Variants in GLIS3 observed in about 807,000 individuals in gnomAD.
GLIS3 encodes the protein zinc finger protein GLIS3.
Under a neutral mutation model 78.6 loss-of-function variants are expected in GLIS3, and 53 were observed. The observed-to-expected ratio is 0.67, with a 90% CI of 0.54 to 0.85. The LOEUF (loss-of-function observed/expected upper bound fraction) is 0.85. Ranked by LOEUF, GLIS3 falls within the 40% of genes least tolerant of loss-of-function variation. GLIS3 has a pLI of 0.00. For missense variants in GLIS3, 1,703 were observed against 1,231.1 expected (o/e 1.38, Z -5.74); for synonymous variants, 684 against 509.9 (o/e 1.34, Z -4.60).
chr9:4,124,324 G>C (rs1832405380), intron 3 of GLIS3, among the ~76,000 whole-genome samples: 1 of 152,198 alleles, frequency 6.6e-6, no homozygotes, highest in Non-Finnish European at 1.5e-5. Flanking sequence ...AAAACAATGA[G>C]ATAATGACCC....
intron 8 of GLIS3, among the ~76,000 whole-genome samples, chr9:3,861,344 C>T (rs1424513983): frequency 1.3e-5 from 2 of 152,010 alleles, no homozygotes; most frequent in African/African-American, 2.4e-5. Context: ...TTGTAGAAGC[C>T]GTGTGGTGAT....
chr9:4,396,761 C>T, the GLIS3 span, among the ~76,000 whole-genome samples: 2 of 152,128 alleles, frequency 1.3e-5, no homozygotes, highest in Non-Finnish European at 2.9e-5. Flanking sequence ...GGACATACCT[C>T]GTTAGTCCTT....
intron 2 of GLIS3, among the ~76,000 whole-genome samples, chr9:4,319,983 T>TG (rs1817499042): frequency 2.1e-5 from 3 of 145,080 alleles, no homozygotes; most frequent in Non-Finnish European, 3.0e-5. Context: ...GTAGAGGGGG[T>TG]TGTGTGTGTG....
intron 2 of GLIS3, among the ~76,000 whole-genome samples, chr9:4,240,195 TGGGGGG>T (rs33916740): frequency 7.2e-6 from 1 of 138,942 alleles, no homozygotes; most frequent in East Asian, 2.2e-4. Context: ...GTGGGGGAGG[TGGGGGG>T]GGGGGATGGT....
the GLIS3 span, among the ~76,000 whole-genome samples, chr9:4,379,329 A>G: frequency 6.6e-6 from 1 of 152,216 alleles, no homozygotes; most frequent in Non-Finnish European, 1.5e-5. Flanking sequence ...GGGTTTGGCA[A>G]AACACCATGC....
chr9:3,919,798 A>G (rs558497873), intron 6 of GLIS3, among the ~76,000 whole-genome samples: 2 of 152,166 alleles, frequency 1.3e-5, no homozygotes, highest in African/African-American at 4.8e-5. Flanking sequence ...AGGCTCTACC[A>G]TCTCTAATAG....
At chr9:3,892,960 C>G (rs1822561450) in intron 7 of GLIS3, among the ~76,000 whole-genome samples, 1 of 152,084 alleles carries the variant, frequency 6.6e-6, no homozygotes, top group South Asian at 2.1e-4. Context: ...ACACATCTAA[C>G]TTTTATTTTA....
At chr9:3,839,846 GTATT>G (rs1223793030) in intron 9 of GLIS3, among the ~76,000 whole-genome samples, 1 of 152,176 alleles carries the variant, frequency 6.6e-6, no homozygotes, top group Non-Finnish European at 1.5e-5. Flanking sequence ...AGGGAGAAAA[GTATT>G]TAATTAATTA....
chr9:4,295,104 C>T (rs1816365864), intron 1 of GLIS3, among the ~76,000 whole-genome samples: 1 of 152,252 alleles, frequency 6.6e-6, no homozygotes, highest in Non-Finnish European at 1.5e-5. Flanking sequence ...TTGCCTTTAT[C>T]TTGGCCTACT....
chr9:4,015,853 C>T (rs1416932845), intron 4 of GLIS3, among the ~76,000 whole-genome samples: 5 of 133,052 alleles, frequency 3.8e-5, no homozygotes, highest in African/African-American at 1.5e-4. Flanking sequence ...CACGCCATTG[C>T]ACTTTAGCCT....
intron 2 of GLIS3, among the ~76,000 whole-genome samples, chr9:4,176,241 A>G (rs1292481434): frequency 1.3e-5 from 2 of 152,236 alleles, no homozygotes; most frequent in African/African-American, 2.4e-5. Context: ...CACACATACA[A>G]TGTAAAAAAT....
chr9:4,251,587 G>T lies in GLIS3; in HGVS notation c.388+34451C>A, dbSNP rs373501453. On this transcript the variant is annotated intron_variant, in intron 2 of 10. Transcript: ENST00000381971. ...CAATTTGCCAATCTGCGTCTAATTG[G>T]GGCATTTAGCCCACTTACATTTAAG... Among the ~76,000 whole-genome samples, 5 of 152,092 alleles carry T rather than the reference G, an allele frequency of 3.3e-5. No individual in the cohort carries two copies. The East Asian group carries it at 9.7e-4, about 29-fold the overall frequency.
At chr9:4,129,394 G>A (rs1832796353) in intron 2 of GLIS3, among the ~76,000 whole-genome samples, 1 of 152,184 alleles carries the variant, frequency 6.6e-6, no homozygotes, top group Non-Finnish European at 1.5e-5. Flanking sequence ...ACATTCAACT[G>A]TAATGACCAG....
chr9:4,040,121 G>A (rs1173929659), intron 4 of GLIS3, among the ~76,000 whole-genome samples: 2 of 152,088 alleles, frequency 1.3e-5, no homozygotes, highest in Non-Finnish European at 2.9e-5. Context: ...TACTTAACTG[G>A]CCAAATATTT....
At chr9:4,032,600 T>TC (rs1823936457) in intron 4 of GLIS3, among the ~76,000 whole-genome samples, 1 of 152,226 alleles carries the variant, frequency 6.6e-6, no homozygotes, top group African/African-American at 2.4e-5. Flanking sequence ...TGAGTATTTC[T>TC]AATGTGCAAC....
chr9:3,897,825 T>C (rs912549595), intron 7 of GLIS3, among the ~76,000 whole-genome samples: 1 of 152,178 alleles, frequency 6.6e-6, no homozygotes, highest in Non-Finnish European at 1.5e-5. Flanking sequence ...TTCATACTTT[T>C]CGAAAGAAAA....
At chr9:3,955,697 A>T (rs1253894771) in intron 4 of GLIS3, among the ~76,000 whole-genome samples, 1 of 152,180 alleles carries the variant, frequency 6.6e-6, no homozygotes, top group Non-Finnish European at 1.5e-5. Flanking sequence ...ATGTCAGATT[A>T]ATTTTCTCTC....
intron 3 of GLIS3, among the ~76,000 whole-genome samples, chr9:4,122,508 G>C (rs1042056544): frequency 1.3e-5 from 2 of 152,128 alleles, no homozygotes; most frequent in African/African-American, 4.8e-5. Flanking sequence ...TTCTGATTTA[G>C]GAAATAAAAA....
chr9:4,449,883 T>C, the GLIS3 span, among the ~76,000 whole-genome samples: 3 of 152,100 alleles, frequency 2.0e-5, no homozygotes, highest in African/African-American at 7.2e-5. Context: ...ACCACAAAGA[T>C]GGGGAGAAAC....
Sources: allele counts gnomAD v4.1 joint callset (sites outside exome capture counted in the v4.1 genomes callset), GRCh38; gene constraint gnomAD v4.1.1; transcripts MANE v1.5; gene names NCBI Gene and HGNC (gene_info 2026-07-23, HGNC 2026-07-21).